The following MGAT4C variants were observed in gnomAD, a reference collection of about 807,000 sequenced individuals.
The protein encoded by MGAT4C is MGAT4 family member C.
A neutral mutation model predicts 40.1 loss-of-function variants in MGAT4C; 19 were observed. The observed-to-expected ratio is 0.47, with a 90% CI of 0.33 to 0.70. The LOEUF is 0.70. Ranked by LOEUF, MGAT4C falls within the 30% of genes least tolerant of loss-of-function variation. The probability of loss-of-function intolerance (pLI) is 0.02; values close to 1 mark genes in which losing one functional copy is unlikely to be tolerated. For missense variants in MGAT4C, 491 were observed against 563.2 expected (o/e 0.87, Z 1.30); for synonymous variants, 181 against 187.1 (o/e 0.97, Z 0.27).
In MGAT4C at chr12:86,389,878, A is replaced by G. The variant is rs142495519; in HGVS notation, c.-120+45279T>C. Among the ~76,000 whole-genome samples the G allele has an allele frequency of 1.3e-4, 20 of 152,304 alleles. No homozygotes were observed. The East Asian group carries it at 3.7e-3, about 28-fold the overall frequency. On this transcript the variant is annotated intron_variant, in intron 3 of 7. Transcript: ENST00000548651. ...TTCTTTTCTCTCTCGGGGATACAGC[A>G]TATTTCACCGTAACAATGCCTTTGC...
chr12:86,353,301 A>C (rs572137711), intron 3 of MGAT4C, among the ~76,000 whole-genome samples: 1 of 152,156 alleles, frequency 6.6e-6, no homozygotes, highest in African/African-American at 2.4e-5. Flanking sequence ...CCGCTGAATA[A>C]AATTAAAACC....
intron 3 of MGAT4C, among the ~76,000 whole-genome samples, chr12:86,404,736 TG>T (rs2136239196): frequency 6.6e-6 from 1 of 152,242 alleles, no homozygotes; most frequent in Admixed American, 6.5e-5. Context: ...AAAAGTCTGA[TG>T]TAAAAAACAA....
chr12:86,111,499 TA>T (rs1179300697), intron 1 of MGAT4C, among the ~76,000 whole-genome samples: 25 of 151,944 alleles, frequency 1.6e-4, no homozygotes, highest in African/African-American at 5.8e-4. Context: ...AGATGACAAA[TA>T]TGCCTAGCAA....
intron 1 of MGAT4C, among the ~76,000 whole-genome samples, chr12:86,090,714 C>T (rs1355346060): frequency 6.6e-6 from 1 of 151,836 alleles, no homozygotes; most frequent in African/African-American, 2.4e-5. Context: ...TTCTTGAAAA[C>T]CCAAAGCCAC....
chr12:86,176,088 A>G (rs906704476), intron 1 of MGAT4C, among the ~76,000 whole-genome samples: 2 of 152,202 alleles, frequency 1.3e-5, no homozygotes, highest in Non-Finnish European at 2.9e-5. Flanking sequence ...TGATGCCAAT[A>G]TAGCTGATCC....
intron 3 of MGAT4C, among the ~76,000 whole-genome samples, chr12:86,393,151 T>C (rs1397801181): frequency 6.6e-6 from 1 of 152,142 alleles, no homozygotes; most frequent in Non-Finnish European, 1.5e-5. Context: ...ATAATTACAA[T>C]TATGTAGAGT....
At chr12:86,625,344 C>T (rs1410953518) in intron 2 of MGAT4C, among the ~76,000 whole-genome samples, 2 of 152,016 alleles carry the variant, frequency 1.3e-5, no homozygotes, top group African/African-American at 4.8e-5. Context: ...TGGACTAATA[C>T]ACTAGGTATA....
chr12:86,095,356 G>T (rs1417216395), intron 1 of MGAT4C, among the ~76,000 whole-genome samples: 2 of 151,798 alleles, frequency 1.3e-5, no homozygotes, highest in Non-Finnish European at 2.9e-5. Context: ...TGTCTGGTAT[G>T]GTTCTGAATG....
intron 2 of MGAT4C, among the ~76,000 whole-genome samples, chr12:86,547,331 C>A (rs1959199855): frequency 6.6e-6 from 1 of 151,872 alleles, no homozygotes; most frequent in Non-Finnish European, 1.5e-5. Context: ...CCTGCTCTTC[C>A]TTTTGCTCCT....
At chr12:86,053,845 C>G (rs900699036) in intron 1 of MGAT4C, among the ~76,000 whole-genome samples, 1 of 151,984 alleles carries the variant, frequency 6.6e-6, no homozygotes, top group Middle Eastern at 3.4e-3. Flanking sequence ...ATAAAAAATG[C>G]TCAGCCTCAC....
At chr12:86,096,290 T>C (rs2135583643) in intron 1 of MGAT4C, among the ~76,000 whole-genome samples, 1 of 151,832 alleles carries the variant, frequency 6.6e-6, no homozygotes, top group South Asian at 2.1e-4. Flanking sequence ...CAATATGTAG[T>C]TTCTTATTTC....
At position 85,963,853 on chromosome 12, in the gene MGAT4C, A is replaced by G. The variant is rs1301829443; in HGVS notation, c.*15436T>C. ...CACAATAAGTAAAATAAGAGAAAGT[A>G]GAATGCTTGGGAGGTCATATGTTTC... On this transcript the variant is annotated 3_prime_UTR_variant, in exon 5 of 5. Coordinates refer to ENST00000611864, the MANE Select transcript of MGAT4C (RefSeq NM_001351288.2). The G allele has an allele frequency of 6.6e-6, 1 of 152,030 alleles. No homozygotes were observed. The allele number at this position is 152,030 out of a possible 1,614,324, so 9.4% of individuals were successfully genotyped here.
At chr12:86,376,062 A>G (rs1030883377) in intron 3 of MGAT4C, among the ~76,000 whole-genome samples, 2 of 152,070 alleles carry the variant, frequency 1.3e-5, no homozygotes, top group African/African-American at 4.8e-5. Flanking sequence ...ATTTGTCTAC[A>G]TTACACTCAA....
At chr12:86,764,016 G>A (rs1255297102) in intron 1 of MGAT4C, among the ~76,000 whole-genome samples, 1 of 152,058 alleles carries the variant, frequency 6.6e-6, no homozygotes, top group Non-Finnish European at 1.5e-5. Flanking sequence ...GTTGGTGCGG[G>A]GCAGTGGGTG....
intron 4 of MGAT4C, among the ~76,000 whole-genome samples, chr12:86,306,508 A>G (rs1231212453): frequency 6.6e-6 from 1 of 150,406 alleles, no homozygotes; most frequent in Non-Finnish European, 1.5e-5. Flanking sequence ...ATTAATAAAA[A>G]TATTGATTAC....
At chr12:86,548,131 T>C (rs1257121212) in intron 2 of MGAT4C, among the ~76,000 whole-genome samples, 2 of 152,150 alleles carry the variant, frequency 1.3e-5, no homozygotes, top group African/African-American at 4.8e-5. Flanking sequence ...GCTAAATTCA[T>C]GGAGGGTGGA....
intron 2 of MGAT4C, among the ~76,000 whole-genome samples, chr12:86,574,380 C>A (rs1366666661): frequency 6.6e-6 from 1 of 151,796 alleles, no homozygotes; most frequent in Admixed American, 6.6e-5. Context: ...GGGCCCCAGA[C>A]ATCACAGATA....
intron 4 of MGAT4C, among the ~76,000 whole-genome samples, chr12:86,300,113 A>T (rs1592667579): frequency 6.6e-6 from 1 of 152,066 alleles, no homozygotes; most frequent in East Asian, 1.9e-4. Context: ...TGCCTAAAGG[A>T]TTTGTGTGAG....
intron 2 of MGAT4C, among the ~76,000 whole-genome samples, chr12:86,672,106 A>C (rs1164850890): frequency 6.6e-6 from 1 of 152,128 alleles, no homozygotes; most frequent in East Asian, 1.9e-4. Flanking sequence ...ACAATGGAAC[A>C]AAACTAGAAA....
Sources: allele counts gnomAD v4.1 joint callset (sites outside exome capture counted in the v4.1 genomes callset), GRCh38; gene constraint gnomAD v4.1.1; transcripts MANE v1.5; gene names NCBI Gene and HGNC (gene_info 2026-07-23, HGNC 2026-07-21).